OSTM1: variants seen among roughly 807,000 people sequenced by gnomAD.
OSTM1 encodes the protein osteoclastogenesis associated transmembrane protein 1, also known as osteopetrosis-associated transmembrane protein 1.
OSTM1 carries 26 observed loss-of-function variants against 35.4 expected under a neutral mutation model. The ratio of observed to expected loss-of-function variants is 0.73; its 90% confidence interval spans 0.54 to 1.02. The LOEUF (loss-of-function observed/expected upper bound fraction) is 1.02, where lower values mean the gene tolerates loss of function less well. Ranked by LOEUF, OSTM1 falls within the 50% of genes least tolerant of loss-of-function variation. The probability of loss-of-function intolerance (pLI) is 0.00; values close to 1 mark genes in which losing one functional copy is unlikely to be tolerated. For missense variants in OSTM1, 366 were observed against 409.6 expected (o/e 0.89, Z 0.92); for synonymous variants, 181 against 165.0 (o/e 1.10, Z -0.75).
intron 1 of OSTM1, among the ~76,000 whole-genome samples, chr6:108,066,025 G>A (rs1772370509): frequency 6.6e-6 from 1 of 152,170 alleles, no homozygotes; most frequent in African/African-American, 2.4e-5. Flanking sequence ...ATGATCATGG[G>A]GTGAAAGTGA....
Position 108,049,193 on chromosome 6 carries a change from G to A in OSTM1, c.949+60C>T, listed in dbSNP as rs1434521195. On this transcript the variant is annotated intron_variant, in intron 5 of 5. Coordinates refer to ENST00000193322, the MANE Select transcript of OSTM1 (RefSeq NM_014028.4). Reference sequence around the variant, plus strand: ...CAGAGTAGCTATCATTTCTAAAACAGGCCTAAATTTTTAAAATACAGGCTT... The same window carrying A: ...CAGAGTAGCTATCATTTCTAAAACAAGCCTAAATTTTTAAAATACAGGCTT... 5.2e-6 allele frequency: 6 copies of A among 1,146,460 alleles called. No homozygotes were observed. The East Asian group carries it at 1.0e-4, about 20-fold the overall frequency. 71.0% of individuals were successfully genotyped at this position (1,146,460 alleles called of 1,614,324 possible).
At chr6:108,050,165 T>C (rs1169920649) in intron 4 of OSTM1, among the ~76,000 whole-genome samples, 1 of 152,144 alleles carries the variant, frequency 6.6e-6, no homozygotes, top group African/African-American at 2.4e-5. Flanking sequence ...CTAAATACTG[T>C]CCTAAATACT....
chr6:108,052,561 C>T (rs1215287988), intron 3 of OSTM1, among the ~76,000 whole-genome samples: 2 of 132,478 alleles, frequency 1.5e-5, no homozygotes, highest in Non-Finnish European at 3.1e-5. Flanking sequence ...TTTGCCCAGG[C>T]TAATTTCTAA....
At chr6:108,061,175 G>A (rs1338111081) in intron 2 of OSTM1, among the ~76,000 whole-genome samples, 6 of 151,600 alleles carry the variant, frequency 4.0e-5, no homozygotes, top group Non-Finnish European at 5.9e-5. Context: ...GTCAAGCTTC[G>A]GAAACAAAAT....
At chr6:108,062,128 A>G (rs558867761) in intron 2 of OSTM1, among the ~76,000 whole-genome samples, 32 of 152,152 alleles carry the variant, frequency 2.1e-4, no homozygotes, top group African/African-American at 7.7e-4. Context: ...TAAATTAGGC[A>G]CAGTAAGAGA....
At chr6:108,073,633 A>C (rs1002381418) in intron 1 of OSTM1, 16 of 152,698 alleles carry the variant, frequency 1.0e-4, no homozygotes, top group African/African-American at 3.8e-4. Context: ...TAACTTGCCC[A>C]TAGTATACCG....
chr6:108,054,944 G>A (rs1228658308), intron 2 of OSTM1, among the ~76,000 whole-genome samples: 2 of 152,124 alleles, frequency 1.3e-5, no homozygotes, highest in Non-Finnish European at 2.9e-5. Flanking sequence ...TAATTTTACC[G>A]AAACTCATAT....
chr6:108,058,206 TACTA>T, intron 2 of OSTM1, among the ~76,000 whole-genome samples: 1 of 152,252 alleles, frequency 6.6e-6, no homozygotes, highest in Admixed American at 6.5e-5. Flanking sequence ...CAGAGAAACC[TACTA>T]AATTATCATA....
chr6:108,065,807 G>T (rs1772367008), intron 1 of OSTM1, among the ~76,000 whole-genome samples: 1 of 152,154 alleles, frequency 6.6e-6, no homozygotes, highest in East Asian at 1.9e-4. Context: ...TCATTAGTTG[G>T]TTAAGTTGAA....
chr6:108,073,488 G>A (rs112794483), intron 1 of OSTM1, among the ~76,000 whole-genome samples: 203 of 152,336 alleles, frequency 1.3e-3, no homozygotes, highest in African/African-American at 4.8e-3. Context: ...CTTAAGGTAT[G>A]AAGAATGAAG....
At chr6:108,053,833 C>T (rs9688607) in intron 3 of OSTM1, among the ~76,000 whole-genome samples, 96 of 152,312 alleles carry the variant, frequency 6.3e-4, no homozygotes, top group African/African-American at 2.1e-3. Flanking sequence ...AGAAATCATA[C>T]ATGCTTATAC....
At chr6:108,045,651 A>C (rs1582384989) in intron 5 of OSTM1, among the ~76,000 whole-genome samples, 2 of 152,210 alleles carry the variant, frequency 1.3e-5, no homozygotes, top group African/African-American at 4.8e-5. Flanking sequence ...TATGGCTGCT[A>C]ACAAAATACG....
At chr6:108,046,900 G>A (rs1266564549) in intron 5 of OSTM1, among the ~76,000 whole-genome samples, 1 of 152,108 alleles carries the variant, frequency 6.6e-6, no homozygotes, top group Non-Finnish European at 1.5e-5. Flanking sequence ...AACTGGACAA[G>A]TTAAATACGA....
At chr6:108,059,414 G>A (rs902183485) in intron 2 of OSTM1, among the ~76,000 whole-genome samples, 1 of 152,026 alleles carries the variant, frequency 6.6e-6, no homozygotes, top group African/African-American at 2.4e-5. Flanking sequence ...AATACCATTT[G>A]AAGACACAGG....
rs1208880986 is a variant in OSTM1 at position 108,043,146 on chromosome 6, C to A, written c.*1639G>T. The stretch of plus-strand genomic sequence containing the variant: ...AAGGTGCTCAAAAAGTCACCACTTA[C>A]AGAATTGAACATGTCATTTTCTAAC... On this transcript the variant is annotated 3_prime_UTR_variant, in exon 6 of 6. Coordinates refer to ENST00000193322, the MANE Select transcript of OSTM1 (RefSeq NM_014028.4). 3.9e-5 allele frequency: 6 copies of A among 152,218 alleles called. No individual in the cohort carries two copies. The highest frequency in any genetic ancestry group is 7.3e-5 in the Non-Finnish European group (5 of 68,036). The allele number at this position is 152,218 out of a possible 1,614,324, so 9.4% of individuals were successfully genotyped here. A position where few individuals can be genotyped will look rare whatever the true frequency, so the allele number is the denominator to read the frequency against.
rs1278827565 is a variant in OSTM1, at chr6:108,041,562, T to C, written c.*3223A>G. 2 of 152,226 alleles carry C rather than the reference T, an allele frequency of 1.3e-5. No individual in the cohort carries two copies. Among genetic ancestry groups the C allele is most frequent in the East Asian group, 3.8e-4 (2 of 5,200 alleles). 9.4% of individuals were successfully genotyped at this position (152,226 alleles called of 1,614,324 possible). A position where few individuals can be genotyped will look rare whatever the true frequency, so the allele number is the denominator to read the frequency against. On this transcript the variant is annotated 3_prime_UTR_variant, in exon 6 of 6. Transcript: ENST00000193322. ...TTGTAACATTTTGGTGCTACATGTA[T>C]AATTCAGCATAAGCCAAAGCCTTTT...
intron 4 of OSTM1, among the ~76,000 whole-genome samples, chr6:108,050,780 G>T (rs1282863479): frequency 6.6e-6 from 1 of 152,116 alleles, no homozygotes; most frequent in Non-Finnish European, 1.5e-5. Context: ...ATGTACCAAA[G>T]CATCAACTCA....
intron 5 of OSTM1, among the ~76,000 whole-genome samples, chr6:108,046,910 AAT>A: frequency 6.6e-6 from 1 of 152,268 alleles, no homozygotes; most frequent in South Asian, 2.1e-4. Context: ...GTTAAATACG[AAT>A]GAGTACATAC....
rs142276258 is a variant in OSTM1, at chr6:108,044,461, T to A, written c.*324A>T. ...ACTTTTCTACTTGAGATATTTATGT[T>A]AGTAAGAAGATACCAGAAGTCTAGA... On this transcript the variant is annotated 3_prime_UTR_variant, in exon 6 of 6. Coordinates refer to ENST00000193322, the MANE Select transcript of OSTM1 (RefSeq NM_014028.4). 3.6e-3 allele frequency: 667 copies of A among 183,950 alleles called. No homozygotes were observed. Among genetic ancestry groups the A allele is most frequent in the African/African-American group, 0.015 (635 of 42,754 alleles). 11.4% of individuals were successfully genotyped at this position (183,950 alleles called of 1,614,324 possible). A position where few individuals can be genotyped will look rare whatever the true frequency, so the allele number is the denominator to read the frequency against.
Sources: allele counts gnomAD v4.1 joint callset (sites outside exome capture counted in the v4.1 genomes callset), GRCh38; gene constraint gnomAD v4.1.1; transcripts MANE v1.5; gene names NCBI Gene and HGNC (gene_info 2026-07-23, HGNC 2026-07-21).